The following GPC6 variants were observed in gnomAD, a reference collection of about 807,000 sequenced individuals.
GPC6 encodes the protein glypican-6.
Under a neutral mutation model 55.2 loss-of-function variants are expected in GPC6, and 14 were observed. The ratio of observed to expected loss-of-function variants is 0.25; its 90% CI spans 0.17 to 0.40. The LOEUF (loss-of-function observed/expected upper bound fraction) is 0.40, where lower values mean the gene tolerates loss of function less well. Ranked by LOEUF, GPC6 falls within the 10% of genes least tolerant of loss-of-function variation. GPC6 has a pLI of 1.00. For missense variants in GPC6, 641 were observed against 708.5 expected, an observed-to-expected ratio of 0.90 and a Z score of 1.08; for synonymous variants, 278 against 259.6, an observed-to-expected ratio of 1.07 and a Z score of -0.68.
chr13:94,153,646 T>A (rs752149504), intron 4 of GPC6, among the ~76,000 whole-genome samples: 1 of 152,126 alleles, frequency 6.6e-6, no homozygotes, highest in African/African-American at 2.4e-5. Context: ...TTCTTAGAAA[T>A]TGAGAGTCAC....
intron 4 of GPC6, among the ~76,000 whole-genome samples, chr13:94,244,948 T>C (rs1186278067): frequency 6.6e-6 from 1 of 152,040 alleles, no homozygotes; most frequent in African/African-American, 2.4e-5. Context: ...ATACATGTAG[T>C]AAAATGGTTA....
intron 4 of GPC6, among the ~76,000 whole-genome samples, chr13:94,035,357 C>T (rs1160731577): frequency 6.6e-6 from 1 of 152,040 alleles, no homozygotes; most frequent in African/African-American, 2.4e-5. Flanking sequence ...ACACTCTGCA[C>T]ATTAGCCCAA....
At chr13:93,826,779 C>A (rs1887271824) in intron 2 of GPC6, among the ~76,000 whole-genome samples, 1 of 152,124 alleles carries the variant, frequency 6.6e-6, no homozygotes, top group East Asian at 1.9e-4. Flanking sequence ...CTCAGTTATC[C>A]TTAGGGCACC....
chr13:94,266,237 T>C (rs142777556), intron 4 of GPC6, among the ~76,000 whole-genome samples: 1,651 of 151,938 alleles, frequency 0.011, 33 homozygotes, highest in African/African-American at 0.033. Flanking sequence ...GGCACGATCT[T>C]GGCTCACTGC....
intron 1 of GPC6, among the ~76,000 whole-genome samples, chr13:93,526,872 A>G (rs1030144806): frequency 6.6e-6 from 1 of 152,134 alleles, no homozygotes; most frequent in Non-Finnish European, 1.5e-5. Context: ...AAGCAGGGAT[A>G]CATGTGGCTT....
At chr13:93,771,122 C>T (rs996550517) in intron 2 of GPC6, among the ~76,000 whole-genome samples, 18 of 152,156 alleles carry the variant, frequency 1.2e-4, no homozygotes, top group Admixed American at 2.6e-4. Context: ...CTGGCATTGC[C>T]CCTCCCCAGA....
At chr13:94,122,997 AATGT>A (rs2138855953) in intron 4 of GPC6, among the ~76,000 whole-genome samples, 1 of 152,256 alleles carries the variant, frequency 6.6e-6, no homozygotes, top group East Asian at 1.9e-4. Flanking sequence ...GCCTTTGAAT[AATGT>A]ATTGGCCCTT....
chr13:93,825,365 A>G (rs758484698), intron 2 of GPC6, among the ~76,000 whole-genome samples: 4 of 152,208 alleles, frequency 2.6e-5, no homozygotes, highest in Non-Finnish European at 4.4e-5. Flanking sequence ...GCTGAAGTTG[A>G]CACCTGAGAT....
At chr13:94,187,183 TCC>T (rs1566518663) in intron 4 of GPC6, 4 of 152,140 alleles carry the variant, frequency 2.6e-5, no homozygotes, top group African/African-American at 9.7e-5. Context: ...AACGTGTGTA[TCC>T]TCCCTCAAAA....
chr13:94,174,329 C>T (rs1254212272), intron 4 of GPC6, among the ~76,000 whole-genome samples: 1 of 151,968 alleles, frequency 6.6e-6, no homozygotes. Flanking sequence ...GAACAGCAGC[C>T]AAGTGAATTT....
chr13:93,801,020 G>C (rs1886351673), intron 2 of GPC6, among the ~76,000 whole-genome samples: 1 of 152,186 alleles, frequency 6.6e-6, no homozygotes, highest in Non-Finnish European at 1.5e-5. Context: ...TAGAAACTCT[G>C]AATGGCACAG....
At chr13:93,700,184 C>T (rs1398319816) in intron 2 of GPC6, among the ~76,000 whole-genome samples, 1 of 151,982 alleles carries the variant, frequency 6.6e-6, no homozygotes. Flanking sequence ...AAAATGAAAC[C>T]ACTTCAGTTT....
chr13:93,758,326 G>A (rs1884845948), intron 2 of GPC6, among the ~76,000 whole-genome samples: 1 of 152,176 alleles, frequency 6.6e-6, no homozygotes, highest in South Asian at 2.1e-4. Flanking sequence ...GTGTCGGCAA[G>A]TGTTATGACT....
At chr13:94,384,221 T>C (rs775082229) in intron 7 of GPC6, among the ~76,000 whole-genome samples, 1 of 152,236 alleles carries the variant, frequency 6.6e-6, no homozygotes, top group Admixed American at 6.5e-5. Context: ...AAATTAGTTA[T>C]GATATTAACA....
chr13:94,298,991 T>A (rs1875497253), intron 5 of GPC6, among the ~76,000 whole-genome samples: 1 of 152,204 alleles, frequency 6.6e-6, no homozygotes, highest in South Asian at 2.1e-4. Context: ...TTGCCTTCAA[T>A]AAATGTTTGC....
intron 1 of GPC6, among the ~76,000 whole-genome samples, chr13:93,502,407 G>A (rs1428268640): frequency 2.0e-5 from 3 of 152,060 alleles, no homozygotes; most frequent in Non-Finnish European, 2.9e-5. Flanking sequence ...GACTCTTACA[G>A]AATGTGTTCT....
chr13:93,771,376 G>A (rs1164598264), intron 2 of GPC6, among the ~76,000 whole-genome samples: 3 of 152,078 alleles, frequency 2.0e-5, no homozygotes, highest in Non-Finnish European at 2.9e-5. Context: ...TTTTCACTCC[G>A]TGGCTAATTG....
chr13:93,321,989 T>C (rs940041870), intron 1 of GPC6, among the ~76,000 whole-genome samples: 5 of 152,272 alleles, frequency 3.3e-5, no homozygotes, highest in Non-Finnish European at 5.9e-5. Context: ...TCCTGCTCTC[T>C]TTTTTCTTCC....
At chr13:93,670,414 T>C (rs1881313558) in intron 2 of GPC6, among the ~76,000 whole-genome samples, 1 of 152,080 alleles carries the variant, frequency 6.6e-6, no homozygotes, top group South Asian at 2.1e-4. Context: ...TAAAAGAGAG[T>C]CACTAAATGG....
Sources: allele counts gnomAD v4.1 joint callset (sites outside exome capture counted in the v4.1 genomes callset), GRCh38; gene constraint gnomAD v4.1.1; transcripts MANE v1.5; gene names NCBI Gene and HGNC (gene_info 2026-07-23, HGNC 2026-07-21).